The following GALNT13 variants were observed in gnomAD, a reference collection of about 807,000 sequenced individuals.
GALNT13 encodes polypeptide N-acetylgalactosaminyltransferase 13, also known as UDP-GalNAc:polypeptide N-acetylgalactosaminyltransferase 13.
GALNT13 carries 28 observed loss-of-function variants against 64.2 expected under a neutral mutation model. That is an observed-to-expected ratio of 0.44 (90% CI 0.32 to 0.60). GALNT13 has a LOEUF of 0.60. Among genes scored for constraint, GALNT13 ranks in the 20% least tolerant of loss-of-function variants. The probability of loss-of-function intolerance (pLI) is 0.05; values close to 1 mark genes in which losing one functional copy is unlikely to be tolerated. For missense variants in GALNT13, 577 were observed against 669.8 expected (o/e 0.86, Z 1.53); for synonymous variants, 214 against 224.6 (o/e 0.95, Z 0.42).
the GALNT13 span, among the ~76,000 whole-genome samples, chr2:153,863,829 C>T: frequency 6.6e-6 from 1 of 152,092 alleles, no homozygotes; most frequent in Non-Finnish European, 1.5e-5. Flanking sequence ...TCCTAGGATT[C>T]ACGCTCAAAA....
At chr2:153,640,507 G>A in the GALNT13 span, among the ~76,000 whole-genome samples, 2 of 152,118 alleles carry the variant, frequency 1.3e-5, no homozygotes, top group Non-Finnish European at 1.5e-5. Context: ...GGCCCGGCAT[G>A]GTGGCTCATA....
In GALNT13 at chr2:153,900,514, A is replaced by G. The variant is rs141933448; in HGVS notation, c.-176-422A>G. 7.7e-3 allele frequency among the ~76,000 whole-genome samples: 1,179 copies of G among 152,304 alleles called. 16 individuals are homozygous for G. Among genetic ancestry groups the G allele is most frequent in the African/African-American group, 0.027 (1,118 of 41,568 alleles). Reference sequence around the variant, plus strand: ...ATCAAGCCAAATTCTTTTCTAACTCAGTGATCCTCATATGTCAGATAATAG... The same window carrying G: ...ATCAAGCCAAATTCTTTTCTAACTCGGTGATCCTCATATGTCAGATAATAG... On this transcript the variant is annotated intron_variant, in intron 1 of 12. Coordinates refer to ENST00000392825, the MANE Select transcript of GALNT13 (RefSeq NM_052917.4).
chr2:153,533,432 A>T, the GALNT13 span, among the ~76,000 whole-genome samples: 1 of 151,930 alleles, frequency 6.6e-6, no homozygotes, highest in Non-Finnish European at 1.5e-5. Context: ...TTGTATTTTT[A>T]GTAGAGACAG....
chr2:153,804,088 T>C, the GALNT13 span, among the ~76,000 whole-genome samples: 2 of 152,176 alleles, frequency 1.3e-5, no homozygotes, highest in Admixed American at 1.3e-4. Flanking sequence ...AAAGGAATGT[T>C]GGGATTGAGA....
At chr2:153,404,174 G>T in the GALNT13 span, among the ~76,000 whole-genome samples, 1 of 152,124 alleles carries the variant, frequency 6.6e-6, no homozygotes, top group Non-Finnish European at 1.5e-5. Flanking sequence ...TAGATGGCAA[G>T]GTCTTATAGT....
chr2:153,872,631 G>T lies in GALNT13; in HGVS notation c.-177+328G>T, dbSNP rs1370015166. ...GAGTTGTTGGTGGCGGGGGGGGGGG[G>T]GGGAGCGGCTCTGGCCCCCTCTGCG... On this transcript the variant is annotated intron_variant, in intron 1 of 12. Coordinates refer to ENST00000392825, the MANE Select transcript of GALNT13 (RefSeq NM_052917.4). Among the ~76,000 whole-genome samples, 12 of 102,700 alleles carry T rather than the reference G, an allele frequency of 1.2e-4. 1 individual carries two copies. The highest frequency in any genetic ancestry group is 3.8e-4 in the African/African-American group (11 of 29,276). 67.4% of individuals were successfully genotyped at this position (102,700 alleles called of 152,430 possible).
At chr2:153,260,324 A>G in the GALNT13 span, among the ~76,000 whole-genome samples, 7 of 152,202 alleles carry the variant, frequency 4.6e-5, no homozygotes, top group Admixed American at 4.6e-4. Context: ...CTTATTGCTC[A>G]TTAATATCCC....
chr2:154,279,716 T>G (rs952946321), intron 8 of GALNT13, among the ~76,000 whole-genome samples: 1 of 152,190 alleles, frequency 6.6e-6, no homozygotes, highest in African/African-American at 2.4e-5. Context: ...AGCAAAGCAA[T>G]ATGCCAAATG....
chr2:154,025,410 T>G (rs1209476482), intron 3 of GALNT13, among the ~76,000 whole-genome samples: 1 of 152,190 alleles, frequency 6.6e-6, no homozygotes, highest in Non-Finnish European at 1.5e-5. Context: ...CATTTTCTTT[T>G]ACTCTTCTGT....
At chr2:154,136,253 A>G (rs975692626) in intron 3 of GALNT13, among the ~76,000 whole-genome samples, 5 of 152,194 alleles carry the variant, frequency 3.3e-5, no homozygotes, top group Non-Finnish European at 5.9e-5. Context: ...GATTTTTTTG[A>G]CAAGCAAGGC....
At chr2:153,601,908 A>T in the GALNT13 span, among the ~76,000 whole-genome samples, 8 of 151,956 alleles carry the variant, frequency 5.3e-5, no homozygotes, top group Admixed American at 2.0e-4. Flanking sequence ...ATCCCTATGT[A>T]GTCAAATGGG....
intron 3 of GALNT13, among the ~76,000 whole-genome samples, chr2:154,076,834 T>C (rs1052793011): frequency 6.6e-6 from 1 of 151,610 alleles, no homozygotes; most frequent in African/African-American, 2.4e-5. Context: ...GAAACACTTA[T>C]TATAGAGGCT....
intron 1 of GALNT13, among the ~76,000 whole-genome samples, chr2:153,898,108 C>A (rs1264712281): frequency 6.6e-6 from 1 of 151,894 alleles, no homozygotes; most frequent in African/African-American, 2.4e-5. Context: ...TTTTCTGGAC[C>A]CCATATATCT....
At chr2:153,457,318 G>A in the GALNT13 span, among the ~76,000 whole-genome samples, 1 of 152,180 alleles carries the variant, frequency 6.6e-6, no homozygotes, top group Non-Finnish European at 1.5e-5. Context: ...TTAGGAAAAT[G>A]TCTGCCTACC....
At chr2:153,379,854 T>C in the GALNT13 span, among the ~76,000 whole-genome samples, 2 of 152,170 alleles carry the variant, frequency 1.3e-5, no homozygotes, top group African/African-American at 4.8e-5. Flanking sequence ...ACAGTTTTTA[T>C]ATGCAAATAT....
chr2:154,228,588 G>A (rs1301882126), intron 4 of GALNT13, among the ~76,000 whole-genome samples: 1 of 152,172 alleles, frequency 6.6e-6, no homozygotes, highest in African/African-American at 2.4e-5. Context: ...TGACTGAGAA[G>A]ATTAATATTG....
chr2:153,357,662 A>G, the GALNT13 span, among the ~76,000 whole-genome samples: 76,916 of 151,926 alleles, frequency 0.51, 20,336 homozygotes, highest in Non-Finnish European at 0.57. Context: ...ATGGAAGTGG[A>G]GTCTTCAGCT....
intron 9 of GALNT13, among the ~76,000 whole-genome samples, chr2:154,306,625 G>GGT (rs1553512847): frequency 1.3e-5 from 2 of 149,114 alleles, no homozygotes; most frequent in Admixed American, 1.3e-4. Flanking sequence ...TGGTGGGGGG[G>GGT]GGGTCAAGAA....
the GALNT13 span, among the ~76,000 whole-genome samples, chr2:153,602,571 G>A: frequency 6.6e-6 from 1 of 151,858 alleles, no homozygotes; most frequent in Middle Eastern, 3.4e-3. Flanking sequence ...AACAAGTACA[G>A]AATCCTTGGA....
Sources: allele counts gnomAD v4.1 joint callset (sites outside exome capture counted in the v4.1 genomes callset), GRCh38; gene constraint gnomAD v4.1.1; transcripts MANE v1.5; gene names NCBI Gene and HGNC (gene_info 2026-07-23, HGNC 2026-07-21).